Variants in NDUFAF6 observed in about 807,000 individuals in gnomAD.
NDUFAF6 encodes the protein NADH:ubiquinone oxidoreductase complex assembly factor 6, also known as NADH dehydrogenase (ubiquinone) complex I, assembly factor 6.
In NDUFAF6, 45 loss-of-function variants were observed where a neutral mutation model predicts 40.8. That is an observed-to-expected ratio of 1.10 (90% CI 0.87 to 1.42). The LOEUF is 1.42. Among genes scored for constraint, NDUFAF6 ranks in the 40% most tolerant of loss-of-function variants. NDUFAF6 has a pLI of 0.00. For missense variants in NDUFAF6, 435 were observed against 418.5 expected (o/e 1.04, Z -0.34); for synonymous variants, 185 against 155.9 (o/e 1.19, Z -1.39).
chr8:94,990,934 G>C (rs1351268244), intron 2 of NDUFAF6, among the ~76,000 whole-genome samples: 1 of 152,208 alleles, frequency 6.6e-6, no homozygotes, highest in Non-Finnish European at 1.5e-5. Context: ...CCTGACAGCA[G>C]TAACAGCAGA....
At chr8:94,961,634 A>C (rs1823585056) in intron 1 of NDUFAF6, among the ~76,000 whole-genome samples, 1 of 152,150 alleles carries the variant, frequency 6.6e-6, no homozygotes, top group South Asian at 2.1e-4. Context: ...CATATTGGCC[A>C]GGCTGGTCTC....
chr8:95,055,092 A>T (rs1225059522), intron 8 of NDUFAF6: 3 of 152,160 alleles, frequency 2.0e-5, no homozygotes, highest in Non-Finnish European at 2.9e-5. Flanking sequence ...CTTGAGCTCT[A>T]ATTTTGAGGT....
At chr8:94,939,977 A>G (rs1357408667) in intron 1 of NDUFAF6, 3 of 1,614,198 alleles carry the variant, frequency 1.9e-6, no homozygotes, top group African/African-American at 1.3e-5. Flanking sequence ...AAGGTTTTCC[A>G]TAGGACTTGT....
intron 3 of NDUFAF6, among the ~76,000 whole-genome samples, chr8:95,039,408 G>A (rs1311219269): frequency 6.6e-6 from 1 of 151,370 alleles, no homozygotes; most frequent in Non-Finnish European, 1.5e-5. Context: ...AGCCAAGATT[G>A]CGCCATTGCA....
At chr8:94,930,732 A>T in intron 1 of NDUFAF6, 2 of 1,613,326 alleles carry the variant, frequency 1.2e-6, no homozygotes, top group Non-Finnish European at 1.7e-6. Context: ...TTCCACTCTG[A>T]AACAGAAAAA....
In NDUFAF6 at chr8:94,911,625, A is replaced by G. The variant is rs941374723; in HGVS notation, c.-936+15698A>G. On this transcript the variant is annotated intron_variant, in intron 1 of 14. Transcript: ENST00000396113. ...AGAGACAAAGTAAGAATAATATACAATGGTACCTTGGCCCTCCAGGGGTTA... is the reference window on the plus strand; with the variant it reads ...AGAGACAAAGTAAGAATAATATACAGTGGTACCTTGGCCCTCCAGGGGTTA... 9.8e-5 allele frequency among the ~76,000 whole-genome samples: 15 copies of G among 152,330 alleles called. No individual in the cohort carries two copies. In the South Asian group the frequency reaches 2.9e-3, roughly 29 times the overall value.
chr8:94,972,178 T>G (rs1824523323), intron 1 of NDUFAF6, among the ~76,000 whole-genome samples: 1 of 152,210 alleles, frequency 6.6e-6, no homozygotes. Context: ...CAGGTTATTC[T>G]TTAACTGTTT....
chr8:95,009,338 A>G (rs545893755), intron 2 of NDUFAF6, among the ~76,000 whole-genome samples: 1 of 148,718 alleles, frequency 6.7e-6, no homozygotes, highest in South Asian at 2.2e-4. Context: ...AATATCACTC[A>G]CTCACATAAT....
chr8:95,086,115 G>A (rs1011687155), intron 2 of NDUFAF6, among the ~76,000 whole-genome samples: 3 of 152,134 alleles, frequency 2.0e-5, no homozygotes, highest in Non-Finnish European at 4.4e-5. Flanking sequence ...CCTGGGTTAT[G>A]GTGAGAATCC....
chr8:94,932,224 A>T, intron 1 of NDUFAF6: 4 of 1,035,464 alleles, frequency 3.9e-6, no homozygotes, highest in Non-Finnish European at 5.8e-6. Context: ...GTGCCATTAA[A>T]GGCACGTACA....
chr8:95,062,848 C>T (rs1301091611), downstream of NDUFAF6, among the ~76,000 whole-genome samples: 2 of 152,204 alleles, frequency 1.3e-5, no homozygotes, highest in East Asian at 1.9e-4. Flanking sequence ...CTTTGTGGTT[C>T]GAATGAACAT....
chr8:95,012,643 A>AAAATAAATAAATAAATAAAT (rs61552543), intron 2 of NDUFAF6, among the ~76,000 whole-genome samples: 1,856 of 147,388 alleles, frequency 0.013, 37 homozygotes, highest in African/African-American at 0.043. Context: ...CTCTGTCTCT[A>AAAATAAATAAATAAATAAAT]AAATAAATAA....
chr8:94,978,279 T>C (rs1825133706), intron 1 of NDUFAF6, among the ~76,000 whole-genome samples: 1 of 152,200 alleles, frequency 6.6e-6, no homozygotes, highest in Non-Finnish European at 1.5e-5. Context: ...ACAAGGCTCA[T>C]AGAGCTTCTA....
Position 95,058,128 on chromosome 8 carries a change from A to G in NDUFAF6, c.*191A>G. ...AGACTGCTGAGATTCTGGCAGAGGC[A>G]CTGCCATTGGCACCCCTGGCCCAGA... On this transcript the variant is annotated 3_prime_UTR_variant, in exon 9 of 9. Coordinates refer to ENST00000396124, the MANE Select transcript of NDUFAF6 (RefSeq NM_152416.4). The G allele has an allele frequency of 4.8e-6, 7 of 1,445,628 alleles. No homozygotes were observed. Among genetic ancestry groups the G allele is most frequent in the Non-Finnish European group, 6.3e-6 (7 of 1,110,290 alleles). 89.6% of individuals were successfully genotyped at this position (1,445,628 alleles called of 1,614,324 possible).
intron 1 of NDUFAF6, among the ~76,000 whole-genome samples, chr8:94,973,362 A>G (rs1422107753): frequency 6.6e-6 from 1 of 152,212 alleles, no homozygotes; most frequent in Non-Finnish European, 1.5e-5. Flanking sequence ...GAGCTCCCTC[A>G]TGCCTTCTCC....
At position 94,962,637 on chromosome 8, in the gene NDUFAF6, A is replaced by G. The variant is rs185249989; in HGVS notation, c.-199+4458A>G. Among the ~76,000 whole-genome samples, 1,027 of 150,048 alleles carry G rather than the reference A, an allele frequency of 6.8e-3. 11 individuals carry two copies. Among genetic ancestry groups the G allele is most frequent in the African/African-American group, 0.024 (959 of 40,724 alleles). On this transcript the variant is annotated intron_variant, in intron 1 of 9. Transcript: ENST00000396111. Reference sequence around the variant, plus strand: ...TTTTGTTTTTTTTTTTTTTGAGACAATGTCTCACTCTGTTTCCCAGGCTTG... The same window carrying G: ...TTTTGTTTTTTTTTTTTTTGAGACAGTGTCTCACTCTGTTTCCCAGGCTTG...
chr8:95,088,689 TTGTGTG>T lies in NDUFAF6; in HGVS notation n.214-12409_214-12404del, dbSNP rs545260109. 2.0e-4 allele frequency among the ~76,000 whole-genome samples: 28 copies of T among 142,376 alleles called. 1 individual carries two copies. Among genetic ancestry groups the T allele is most frequent in the South Asian group, 8.8e-4 (4 of 4,544 alleles). The allele number at this position is 142,376 out of a possible 152,430, so 93.4% of individuals were successfully genotyped here. ...TCAGCCAAGTCACTTTTTTGGGGTT[TTGTGTG>T]TGTGTGTGTGTGTGTGTGTGTGTGT... On this transcript the variant is annotated intron_variant and non_coding_transcript_variant, in intron 2 of 5. Transcript: ENST00000523184.
At chr8:94,923,266 T>C (rs1819627527) in intron 1 of NDUFAF6, among the ~76,000 whole-genome samples, 1 of 152,196 alleles carries the variant, frequency 6.6e-6, no homozygotes, top group South Asian at 2.1e-4. Flanking sequence ...ATATAGAGTC[T>C]GTGGAACTGT....
chr8:95,063,366 C>T (rs1048123744), downstream of NDUFAF6, among the ~76,000 whole-genome samples: 1 of 152,120 alleles, frequency 6.6e-6, no homozygotes, highest in Non-Finnish European at 1.5e-5. Flanking sequence ...TTTGGGAGCC[C>T]GAGGTGGGTG....
Sources: gnomAD v4.1 joint callset for allele counts (sites outside exome capture counted in the v4.1 genomes callset) on GRCh38, gnomAD v4.1.1 for gene constraint, MANE v1.5 for transcripts, NCBI Gene and HGNC (gene_info 2026-07-23, HGNC 2026-07-21) for gene names.